Variants in ARFGEF3 observed in about 807,000 individuals in gnomAD.
The protein encoded by ARFGEF3 is ARFGEF family member 3, also known as brefeldin A-inhibited guanine nucleotide-exchange protein 3.
Under a neutral mutation model 221.7 loss-of-function variants are expected in ARFGEF3, and 96 were observed. The ratio of observed to expected loss-of-function variants is 0.43; its 90% CI spans 0.37 to 0.51. The LOEUF (loss-of-function observed/expected upper bound fraction) is 0.51. ARFGEF3 is among the 20% of genes least tolerant of loss of function. ARFGEF3 has a pLI of 0.00. For synonymous variants in ARFGEF3, 1,145 were observed against 1,126.8 expected (o/e 1.02, Z -0.32); for missense variants, 2,410 against 2,789.9 (o/e 0.86, Z 3.07).
At chr6:138,202,289 G>A (rs1354084120) in intron 2 of ARFGEF3, among the ~76,000 whole-genome samples, 1 of 152,154 alleles carries the variant, frequency 6.6e-6, no homozygotes, top group Non-Finnish European at 1.5e-5. Context: ...GATTGAGTGT[G>A]TGCCATGTTG....
At chr6:138,221,775 G>A (rs1583019567) in intron 4 of ARFGEF3, among the ~76,000 whole-genome samples, 1 of 152,072 alleles carries the variant, frequency 6.6e-6, no homozygotes, top group Admixed American at 6.5e-5. Context: ...AATCAATAAA[G>A]GCCAGAAAAG....
Position 138,190,653 on chromosome 6 carries a change from C to T in ARFGEF3, c.138-16389C>T, listed in dbSNP as rs1004007071. 5.9e-5 allele frequency among the ~76,000 whole-genome samples: 9 copies of T among 152,274 alleles called. 1 individual carries two copies. The highest frequency in any genetic ancestry group is 1.9e-4 in the East Asian group (1 of 5,186). ...AGATTTTTCTATCTTCTGGAGCCCACGTTCCTGCCCATTTTATAGCTGAGT... is the reference window on the plus strand; with the variant it reads ...AGATTTTTCTATCTTCTGGAGCCCATGTTCCTGCCCATTTTATAGCTGAGT... On this transcript the variant is annotated intron_variant, in intron 2 of 33. Transcript: ENST00000251691.
intron 14 of ARFGEF3, among the ~76,000 whole-genome samples, chr6:138,282,920 C>G (rs192075240): frequency 4.6e-4 from 70 of 152,144 alleles, no homozygotes; most frequent in African/African-American, 1.7e-3. Context: ...GCATGTTGAC[C>G]AGCACTTGTA....
rs1244518731 is a variant in ARFGEF3, at chr6:138,334,721, G to C, written c.5875G>C (p.Glu1959Gln). 44 of 1,609,394 alleles carry C rather than the reference G, an allele frequency of 2.7e-5. No individual in the cohort carries two copies. The highest frequency in any genetic ancestry group is 3.7e-5 in the Non-Finnish European group (44 of 1,176,656). The part of the protein sequence containing the change: ...TPSTGGFSGK[E>Q]TPSEDDRSQS... The stretch of plus-strand genomic sequence containing the variant: ...ATCCACCGGGGGCTTCTCTGGGAAA[G>C]AAACCCCTTCCGAGGATGACAGAAG... The change falls in exon 33 of 34, where the codon GAA becomes CAA. Residue 1959 changes from glutamate (E) to glutamine (Q), a missense_variant. Glu to Gln is a conservative substitution (Grantham distance 29, BLOSUM62 2). This residue lies in a region of ARFGEF3 where 339 missense variants were observed against 334.9 expected (regional missense o/e 1.01). Transcript: ENST00000251691. This position sits in a 1 kb window ranked among gnomAD's most constrained non-coding sequence, Gnocchi z 5.1.
At chr6:138,226,355 C>T (rs537755774) in intron 4 of ARFGEF3, among the ~76,000 whole-genome samples, 2 of 152,222 alleles carry the variant, frequency 1.3e-5, no homozygotes, top group Admixed American at 6.5e-5. Context: ...TTTCCCTAAA[C>T]CCAGGGTTTC....
intron 22 of ARFGEF3, among the ~76,000 whole-genome samples, chr6:138,305,612 C>CAA (rs565498235): frequency 5.2e-4 from 33 of 62,990 alleles, no homozygotes; most frequent in Admixed American, 1.0e-3. Flanking sequence ...GACCCTGTCT[C>CAA]AAAAAAAAAA....
chr6:138,269,484 A>C (rs996442579), intron 12 of ARFGEF3, among the ~76,000 whole-genome samples: 8 of 152,300 alleles, frequency 5.3e-5, no homozygotes, highest in African/African-American at 1.9e-4. Flanking sequence ...TGCCTCTGTC[A>C]GTTAGGATTA....
rs899360167 is a variant in ARFGEF3 at position 138,343,783 on chromosome 6, A to T, written c.*7297A>T. 2.6e-5 allele frequency: 4 copies of T among 152,084 alleles called. No homozygotes were observed. The highest frequency in any genetic ancestry group is 2.9e-5 in the Non-Finnish European group (2 of 68,028). 9.4% of individuals were successfully genotyped at this position (152,084 alleles called of 1,614,324 possible). The stretch of plus-strand genomic sequence containing the variant: ...CCTACATTTCTTTCATCTGGTTCTT[A>T]TTGGGAGTGCTTCTCTCTAATAAAA... On this transcript the variant is annotated 3_prime_UTR_variant, in exon 34 of 34. Coordinates refer to ENST00000251691, the MANE Select transcript of ARFGEF3 (RefSeq NM_020340.5).
chr6:138,219,867 C>T (rs530019259), intron 4 of ARFGEF3, among the ~76,000 whole-genome samples: 1 of 152,102 alleles, frequency 6.6e-6, no homozygotes, highest in African/African-American at 2.4e-5. Context: ...ACATTATGGG[C>T]ATTCCAAAAG....
chr6:138,240,877 C>T (rs1778382500), intron 6 of ARFGEF3, among the ~76,000 whole-genome samples: 1 of 152,124 alleles, frequency 6.6e-6, no homozygotes, highest in Non-Finnish European at 1.5e-5. Flanking sequence ...ACGTATTCCC[C>T]TGGGAAACAC....
intron 29 of ARFGEF3, 51 bp from the exon 30 acceptor site, chr6:138,323,620 A>C: frequency 2.6e-6 from 4 of 1,560,516 alleles, no homozygotes; most frequent in Non-Finnish European, 3.5e-6. Context: ...TGAAAAAAAC[A>C]AACAACAACA....
intron 8 of ARFGEF3, among the ~76,000 whole-genome samples, chr6:138,250,240 G>A (rs950145960): frequency 2.6e-5 from 4 of 152,172 alleles, no homozygotes; most frequent in East Asian, 3.8e-4. Context: ...ATTCAGGTAC[G>A]CAGAACACTC....
intron 4 of ARFGEF3, chr6:138,218,319 C>T: frequency 3.8e-6 from 6 of 1,565,054 alleles, no homozygotes; most frequent in Non-Finnish European, 5.2e-6. Context: ...TAATCTGTGC[C>T]TCAATTTTCT....
intron 2 of ARFGEF3, among the ~76,000 whole-genome samples, chr6:138,189,683 G>A (rs944565237): frequency 6.6e-6 from 1 of 152,156 alleles, no homozygotes; most frequent in Non-Finnish European, 1.5e-5. Context: ...AAGGAAAGTC[G>A]TTTTACTGTC....
intron 2 of ARFGEF3, among the ~76,000 whole-genome samples, chr6:138,183,603 G>A (rs1777122611): frequency 1.3e-5 from 2 of 152,104 alleles, no homozygotes; most frequent in South Asian, 4.1e-4. Flanking sequence ...TGGAGTCAGA[G>A]CCAAACACAC....
intron 14 of ARFGEF3, among the ~76,000 whole-genome samples, chr6:138,281,491 G>A (rs1444432457): frequency 1.3e-5 from 2 of 152,152 alleles, no homozygotes; most frequent in East Asian, 3.8e-4. Context: ...GCAGTCCCCA[G>A]TATCTGTTGT....
rs181640115 is a variant in ARFGEF3 at position 138,295,609 on chromosome 6, G to A, written c.3503-1201G>A. Among the ~76,000 whole-genome samples the A allele has an allele frequency of 8.5e-3, 1,233 of 145,030 alleles. 24 individuals are homozygous for A. The highest frequency in any genetic ancestry group is 0.031 in the African/African-American group (1,201 of 39,270). ...TGCACCACTGCACTCCAGCCTGGGC[G>A]ACAGAGTGAGACTCCCTCAAAAAAA... On this transcript the variant is annotated intron_variant, in intron 20 of 33. Transcript: ENST00000251691.
At chr6:138,327,220 T>C (rs551133578) in intron 31 of ARFGEF3, among the ~76,000 whole-genome samples, 9 of 152,328 alleles carry the variant, frequency 5.9e-5, no homozygotes, top group African/African-American at 1.9e-4. Context: ...TTTACCTATG[T>C]AAGAAACCTG....
At position 138,253,876 on chromosome 6, in the gene ARFGEF3, G is replaced by A. The variant is rs754675912; in HGVS notation, c.666-4G>A. On this transcript the variant is annotated splice_region_variant and splice_polypyrimidine_tract_variant and intron_variant, in intron 8 of 33. Transcript: ENST00000251691. ...GCATTTGTGTCGGTTCTGCTCTTCTGCAGTGACAGCCAGCAGCTGCAGCTT... is the reference window on the plus strand; with the variant it reads ...GCATTTGTGTCGGTTCTGCTCTTCTACAGTGACAGCCAGCAGCTGCAGCTT... The A allele has an allele frequency of 1.0e-5, 16 of 1,570,456 alleles. No homozygotes were observed. The highest frequency in any genetic ancestry group is 1.4e-5 in the African/African-American group (1 of 74,012).
Sources: gnomAD v4.1 joint callset for allele counts (sites outside exome capture counted in the v4.1 genomes callset) on GRCh38, gnomAD v4.1.1 for gene constraint, gnomAD v4.1.1 regional missense constraint, Gnocchi (gnomAD v3.1) non-coding constraint, MANE v1.5 for transcripts, NCBI Gene and HGNC (gene_info 2026-07-23, HGNC 2026-07-21) for gene names.